CSPG5: variants seen among roughly 807,000 people sequenced by gnomAD.
The protein encoded by CSPG5 is chondroitin sulfate proteoglycan 5.
CSPG5 carries 25 observed loss-of-function variants against 39.8 expected under a neutral mutation model. The ratio of observed to expected loss-of-function variants is 0.63; its 90% CI spans 0.46 to 0.88. The LOEUF is 0.88. Ranked by LOEUF, CSPG5 falls within the 40% of genes least tolerant of loss-of-function variation. The pLI, the probability that CSPG5 is intolerant of heterozygous loss-of-function variation, is 0.00. For synonymous variants in CSPG5, 295 were observed against 303.9 expected, an observed-to-expected ratio of 0.97 and a Z score of 0.31; for missense variants, 627 against 702.2, an observed-to-expected ratio of 0.89 and a Z score of 1.21.
intron 4 of CSPG5, among the ~76,000 whole-genome samples, chr3:47,564,060 C>T (rs1576367302): frequency 6.6e-6 from 1 of 152,190 alleles, no homozygotes; most frequent in East Asian, 1.9e-4. Context: ...GCTTGGAACT[C>T]TGCTGATAGA....
chr3:47,566,918 C>T (rs909632276), intron 4 of CSPG5, among the ~76,000 whole-genome samples: 2 of 152,208 alleles, frequency 1.3e-5, no homozygotes, highest in South Asian at 2.1e-4. Flanking sequence ...ACCACCCTCC[C>T]GTGGCTGACC....
At position 47,573,921 on chromosome 3, in the gene CSPG5, C is replaced by T. The variant is rs187704673; in HGVS notation, c.1194-1047G>A. Among the ~76,000 whole-genome samples, 50 of 152,330 alleles carry T rather than the reference C, an allele frequency of 3.3e-4. 1 individual carries two copies. In the South Asian group the frequency reaches 8.9e-3, roughly 27 times the overall value. On this transcript the variant is annotated intron_variant, in intron 2 of 4. Transcript: ENST00000264723. ...CTACCCCGGTGTTCTAGAGAAGTTC[C>T]GCCACAGCTCTGCTCATTTCCCTGC...
At chr3:47,573,057 A>G (rs1236554082) in intron 2 of CSPG5, among the ~76,000 whole-genome samples, 183 bp from the exon 3 acceptor site, 1 of 152,200 alleles carries the variant, frequency 6.6e-6, no homozygotes, top group Admixed American at 6.5e-5. Flanking sequence ...CTTTACAACC[A>G]TTCTATGAAG....
Position 47,577,286 on chromosome 3 carries a change from GA to G in CSPG5, c.739del (p.Ser247ProfsTer43). On this transcript the variant is annotated frameshift_variant, in exon 2 of 5. Transcript: ENST00000264723. LOFTEE classifies it high-confidence loss of function. The surrounding 1 kb of genome is among the most constrained non-coding windows in gnomAD (Gnocchi z 4.7). Reference protein sequence around the residue: ...NHPDTEGETPSWSLLDLYDDF... With the variant: ...NHPDTEGETPXWSLLDLYDDF... ...ATCGTATAAGTCAAGCAGGCTCCAG[GA>G]AGGGGTCTCTCCCTCAGTATCAGGG... 6.2e-7 allele frequency: 1 copy of G among 1,613,670 alleles called. No individual in the cohort carries two copies. The highest frequency in any genetic ancestry group is 8.5e-7 in the Non-Finnish European group (1 of 1,179,774).
At chr3:47,570,854 G>T (rs900755344) in intron 3 of CSPG5, among the ~76,000 whole-genome samples, 2 of 152,132 alleles carry the variant, frequency 1.3e-5, no homozygotes, top group Admixed American at 6.5e-5. Flanking sequence ...AGTTCATTTA[G>T]ACTTTAGATA....
chr3:47,575,814 C>T (rs2031698763), intron 2 of CSPG5, among the ~76,000 whole-genome samples: 1 of 152,102 alleles, frequency 6.6e-6, no homozygotes, highest in South Asian at 2.1e-4. Flanking sequence ...TGTCTTTATC[C>T]CACAGAGTAG....
At chr3:47,562,894 A>G in intron 4 of CSPG5, 133 bp from the exon 5 acceptor site, 1 of 939,856 alleles carries the variant, frequency 1.1e-6, no homozygotes, top group South Asian at 2.1e-5. Flanking sequence ...AATGAACTAA[A>G]AGGAACCAAA....
At position 47,577,849 on chromosome 3, in the gene CSPG5, C is replaced by T. The variant is rs767945759; in HGVS notation, c.177G>A (p.Thr59=). 1.3e-6 allele frequency: 2 copies of T among 1,546,968 alleles called. No homozygotes were observed. Among genetic ancestry groups the T allele is most frequent in the Non-Finnish European group, 8.6e-7 (1 of 1,158,154 alleles). ...CCGCTGGTGGGCCGGCTTCTTCCCGCGTGTCGTTGGCAGGCGGCTCCCACG... is the reference window on the plus strand; with the variant it reads ...CCGCTGGTGGGCCGGCTTCTTCCCGTGTGTCGTTGGCAGGCGGCTCCCACG... ...SPAWEPPAND[T]REEAGPPAAG... The change falls in exon 2 of 5, where the codon ACG becomes ACA. Residue 59 remains threonine (T), a synonymous_variant. Transcript: ENST00000264723. This position sits in a 1 kb window ranked among gnomAD's most constrained non-coding sequence, Gnocchi z 4.7.
chr3:47,577,972 T>C lies in CSPG5; in HGVS notation c.98-44A>G, dbSNP rs976041243. 1.5e-6 allele frequency: 2 copies of C among 1,376,116 alleles called. No individual in the cohort carries two copies. Among genetic ancestry groups the C allele is most frequent in the African/African-American group, 3.1e-5 (2 of 64,936 alleles). 85.2% of individuals were successfully genotyped at this position (1,376,116 alleles called of 1,614,324 possible). A position where few individuals can be genotyped will look rare whatever the true frequency, so the allele number is the denominator to read the frequency against. On this transcript the variant is annotated intron_variant, in intron 1 of 4. Coordinates refer to ENST00000264723, the MANE Select transcript of CSPG5 (RefSeq NM_006574.4). This position sits in a 1 kb window ranked among gnomAD's most constrained non-coding sequence, Gnocchi z 4.7. ...GGGGCGGGACGTCAGGGCGGCGCGC[T>C]GAGGAGCCCTGGAGCCCCGGCCCGC...
chr3:47,564,071 A>C (rs1412872510), intron 4 of CSPG5, among the ~76,000 whole-genome samples: 1 of 152,218 alleles, frequency 6.6e-6, no homozygotes, highest in East Asian at 1.9e-4. Context: ...TGCTGATAGA[A>C]GACAGTGTGT....
In CSPG5 at chr3:47,562,755, G is replaced by C. The variant is rs1243198094; in HGVS notation, c.1465C>G (p.Pro489Ala). Reference protein sequence around the residue: ...IAEGSHPNDDPSAPHKIQEVL... With the variant: ...IAEGSHPNDDASAPHKIQEVL... Reference sequence around the variant, plus strand: ...TCCTGGATTTTGTGGGGAGCACTAGGATCATCCTGGAAGAGGGAAAAAGTT... The same window carrying C: ...TCCTGGATTTTGTGGGGAGCACTAGCATCATCCTGGAAGAGGGAAAAAGTT... The change falls in exon 5 of 5, where the codon CCT becomes GCT. Residue 489 changes from proline (P) to alanine (A), a missense_variant. Transcript: ENST00000264723. The C allele has an allele frequency of 1.2e-6, 2 of 1,606,938 alleles. No homozygotes were observed. The highest frequency in any genetic ancestry group is 1.7e-6 in the Non-Finnish European group (2 of 1,176,252).
At position 47,572,910 on chromosome 3, in the gene CSPG5, G is replaced by A. The variant is rs1483219148; in HGVS notation, c.1194-36C>T. On this transcript the variant is annotated intron_variant, in intron 2 of 4. Coordinates refer to ENST00000264723, the MANE Select transcript of CSPG5 (RefSeq NM_006574.4). This position sits in a 1 kb window ranked among gnomAD's most constrained non-coding sequence, Gnocchi z 4.5. The stretch of plus-strand genomic sequence containing the variant: ...GACATTGAGAAACCGTGGCGATGGA[G>A]CAGGCAGCCACGGCCACAGTAAGGG... 1.9e-6 allele frequency: 3 copies of A among 1,587,300 alleles called. No individual in the cohort carries two copies. The highest frequency in any genetic ancestry group is 8.6e-7 in the Non-Finnish European group (1 of 1,162,386).
intron 2 of CSPG5, 147 bp from the exon 3 acceptor site, chr3:47,573,021 C>T (rs1340446935): frequency 1.4e-5 from 9 of 633,170 alleles, no homozygotes; most frequent in Non-Finnish European, 2.4e-5. Flanking sequence ...CTGCACAGAC[C>T]TCAGAGCTGG....
chr3:47,576,128 G>C (rs1449703620), intron 2 of CSPG5, among the ~76,000 whole-genome samples: 2 of 151,780 alleles, frequency 1.3e-5, no homozygotes, highest in Non-Finnish European at 2.9e-5. Flanking sequence ...GTAGAGACAG[G>C]GTTTCTCCAT....
Position 47,578,713 on chromosome 3 carries a change from T to A in CSPG5, c.-20A>T, listed in dbSNP as rs2031881514. On this transcript the variant is annotated 5_prime_UTR_variant, in exon 1 of 5. Transcript: ENST00000264723. This position sits in a 1 kb window ranked among gnomAD's most constrained non-coding sequence, Gnocchi z 6.0. The stretch of plus-strand genomic sequence containing the variant: ...CCCCATGGCGCGGCGCCCCGACCGC[T>A]GTCCGCGGTCCGCCCGGCTGGCTGC... 1.3e-6 allele frequency: 1 copy of A among 753,916 alleles called. No individual in the cohort carries two copies. Among genetic ancestry groups the A allele is most frequent in the Admixed American group, 6.0e-5 (1 of 16,566 alleles). The allele number at this position is 753,916 out of a possible 1,614,324, so 46.7% of individuals were successfully genotyped here. A position where few individuals can be genotyped will look rare whatever the true frequency, so the allele number is the denominator to read the frequency against.
chr3:47,570,230 T>C (rs2031478951), intron 3 of CSPG5, among the ~76,000 whole-genome samples: 1 of 151,980 alleles, frequency 6.6e-6, no homozygotes, highest in Admixed American at 6.6e-5. Context: ...CTATTTGTCC[T>C]AATGCTCTCC....
At chr3:47,570,269 AT>A (rs36030946) in intron 3 of CSPG5, among the ~76,000 whole-genome samples, 77,366 of 136,370 alleles carry the variant, frequency 0.57, 20,802 homozygotes, top group East Asian at 0.69. Flanking sequence ...TCTTAAAACA[AT>A]TTTTTTTTTT....
chr3:47,571,989 C>T (rs1271818721), intron 3 of CSPG5, among the ~76,000 whole-genome samples: 2 of 152,212 alleles, frequency 1.3e-5, no homozygotes, highest in Non-Finnish European at 2.9e-5. Flanking sequence ...ATGCACACAA[C>T]AGTCACTGCT....
chr3:47,576,505 C>T (rs1697405465), intron 2 of CSPG5, among the ~76,000 whole-genome samples: 1 of 148,948 alleles, frequency 6.7e-6, no homozygotes, highest in African/African-American at 2.5e-5. Flanking sequence ...GTCACCCAGG[C>T]TGGAGGGCAG....
Sources: allele counts gnomAD v4.1 joint callset (sites outside exome capture counted in the v4.1 genomes callset), GRCh38; gene constraint gnomAD v4.1.1; non-coding constraint Gnocchi (gnomAD v3.1); transcripts MANE v1.5; gene names NCBI Gene and HGNC (gene_info 2026-07-23, HGNC 2026-07-21).